The following CEMIP variants were observed in gnomAD, a reference collection of about 807,000 sequenced individuals.
The protein encoded by CEMIP is cell migration-inducing and hyaluronan-binding protein.
CEMIP carries 105 observed loss-of-function variants against 156.9 expected under a neutral mutation model. The ratio of observed to expected loss-of-function variants is 0.67; its 90% confidence interval spans 0.57 to 0.79. CEMIP has a LOEUF of 0.79. Ranked by LOEUF, CEMIP falls within the 30% of genes least tolerant of loss-of-function variation. CEMIP has a pLI of 0.00. For synonymous variants in CEMIP, 676 were observed against 668.4 expected, an observed-to-expected ratio of 1.01 and a Z score of -0.17; for missense variants, 1,457 against 1,769.4, an observed-to-expected ratio of 0.82 and a Z score of 3.17.
Position 80,936,654 on chromosome 15 carries a change from T to C in CEMIP, c.3010-20T>C, listed in dbSNP as rs2141960247. 1 of 1,601,262 alleles carries C rather than the reference T, an allele frequency of 6.2e-7. No individual in the cohort carries two copies. The highest frequency in any genetic ancestry group is 2.2e-5 in the East Asian group (1 of 44,814). ...CTTCGTAATAGCCTCATTGTGTGTT[T>C]CCTTTTTGGGTTTTAAAAGATGTAC... On this transcript the variant is annotated intron_variant, in intron 23 of 29. Transcript: ENST00000394685.
chr15:80,811,601 C>G (rs1896672224), intron 1 of CEMIP, among the ~76,000 whole-genome samples: 1 of 152,244 alleles, frequency 6.6e-6, no homozygotes, highest in African/African-American at 2.4e-5. Context: ...CTTACCCAGG[C>G]TGAAGTGCAG....
intron 1 of CEMIP, among the ~76,000 whole-genome samples, chr15:80,797,337 T>C (rs1030682063): frequency 2.6e-5 from 4 of 152,170 alleles, no homozygotes; most frequent in Admixed American, 2.0e-4. Flanking sequence ...ACCTACAGTG[T>C]CCCGGTGCTT....
intron 1 of CEMIP, among the ~76,000 whole-genome samples, chr15:80,840,162 C>T (rs1042178181): frequency 6.6e-6 from 1 of 152,118 alleles, no homozygotes; most frequent in Admixed American, 6.5e-5. Context: ...GAGGGTGGCC[C>T]CAGAAGACCC....
intron 3 of CEMIP, among the ~76,000 whole-genome samples, chr15:80,875,587 T>C (rs1276601063): frequency 6.6e-6 from 1 of 152,140 alleles, no homozygotes; most frequent in Non-Finnish European, 1.5e-5. Context: ...ATCAGCTATG[T>C]GGAAAGGGGC....
rs201550497 is a variant in CEMIP, at chr15:80,906,704, G to A, written c.1453G>A (p.Val485Met). ...GCACATCGGGGAGGAGATAGACGGC[G>A]TGGACATGCGGGCGGAGGTTGGGCT... Reference protein sequence around the residue: ...YLHIGEEIDGVDMRAEVGLLS... With the variant: ...YLHIGEEIDGMDMRAEVGLLS... The change falls in exon 13 of 30, where the codon GTG becomes ATG. Residue 485 changes from valine (V) to methionine (M), a missense_variant. Val to Met is a conservative substitution (Grantham distance 21). Transcript: ENST00000394685. The surrounding 1 kb of genome is among the most constrained non-coding windows in gnomAD (Gnocchi z 4.3). The A allele has an allele frequency of 1.1e-5, 18 of 1,614,210 alleles. No individual in the cohort carries two copies. Among genetic ancestry groups the A allele is most frequent in the East Asian group, 2.2e-5 (1 of 44,884 alleles).
At chr15:80,862,249 G>A (rs1326532596) in intron 1 of CEMIP, among the ~76,000 whole-genome samples, 2 of 152,190 alleles carry the variant, frequency 1.3e-5, no homozygotes, top group Non-Finnish European at 2.9e-5. Context: ...GGGTTGGGCT[G>A]GTGGAATTTA....
intron 3 of CEMIP, among the ~76,000 whole-genome samples, chr15:80,875,310 C>T (rs1238617464): frequency 1.3e-5 from 2 of 152,156 alleles, no homozygotes; most frequent in Non-Finnish European, 2.9e-5. Context: ...GCTGGGATTA[C>T]AGGTGTGAGC....
chr15:80,878,588 AG>A (rs1369330539), intron 3 of CEMIP, 132 bp from the exon 4 acceptor site: 1 of 1,148,912 alleles, frequency 8.7e-7, no homozygotes, highest in Non-Finnish European at 1.3e-6. Flanking sequence ...CAGCTCTCTA[AG>A]GTCTTGCTTT....
chr15:80,881,519 G>T (rs1286530032), intron 6 of CEMIP, among the ~76,000 whole-genome samples: 1 of 152,186 alleles, frequency 6.6e-6, no homozygotes, highest in Non-Finnish European at 1.5e-5. Flanking sequence ...GGGAAAGAGT[G>T]TTCAAGACAG....
At chr15:80,783,182 G>A (rs1895841774) in intron 1 of CEMIP, among the ~76,000 whole-genome samples, 1 of 152,148 alleles carries the variant, frequency 6.6e-6, no homozygotes, top group Admixed American at 6.5e-5. Context: ...TACCTTCTGT[G>A]GTATCGGCAA....
At chr15:80,862,431 G>A (rs558861926) in intron 1 of CEMIP, among the ~76,000 whole-genome samples, 54 of 152,306 alleles carry the variant, frequency 3.5e-4, no homozygotes, top group Non-Finnish European at 7.4e-4. Flanking sequence ...AGGGACAGTC[G>A]GGAGAGGTTT....
intron 1 of CEMIP, among the ~76,000 whole-genome samples, chr15:80,814,043 C>CTTTTTTTTTTTT (rs778309859): frequency 1.4e-5 from 1 of 73,744 alleles, no homozygotes; most frequent in Non-Finnish European, 2.3e-5. Context: ...AACTCTTTGG[C>CTTTTTTTTTTTT]TTTTTTTTTT....
At chr15:80,782,942 T>C (rs1332702656) in intron 1 of CEMIP, among the ~76,000 whole-genome samples, 1 of 152,172 alleles carries the variant, frequency 6.6e-6, no homozygotes, top group East Asian at 1.9e-4. Context: ...CAGGACACTC[T>C]TGGAGTGAAG....
In CEMIP at chr15:80,937,817, T is replaced by C. The variant is rs766813935; in HGVS notation, c.3245T>C (p.Leu1082Pro). The stretch of plus-strand genomic sequence containing the variant: ...AGGGGCGACTGGATCCGAGTGGGGC[T>C]CTGCTACCCGCGAGGCACCACATTC... The part of the protein sequence containing the change: ...FNKGDWIRVG[L>P]CYPRGTTFSI... Residue 1082 changes from leucine (L) to proline (P), a missense_variant, in exon 25 of 30, where the codon CTC (leucine) becomes CCC (proline). Transcript: ENST00000394685. The C allele has an allele frequency of 1.2e-6, 2 of 1,614,240 alleles. No individual in the cohort carries two copies. The highest frequency in any genetic ancestry group is 1.7e-6 in the Non-Finnish European group (2 of 1,180,044).
At chr15:80,827,474 C>T (rs377385214) in intron 1 of CEMIP, among the ~76,000 whole-genome samples, 15 of 152,052 alleles carry the variant, frequency 9.9e-5, no homozygotes, top group African/African-American at 3.6e-4. Context: ...CAAAAATTAG[C>T]TGGGCATGGT....
At chr15:80,847,670 A>C (rs1897597204) in intron 1 of CEMIP, among the ~76,000 whole-genome samples, 1 of 152,248 alleles carries the variant, frequency 6.6e-6, no homozygotes, top group Non-Finnish European at 1.5e-5. Flanking sequence ...GGTGGTGGCC[A>C]GCAAGGCTAC....
At chr15:80,871,571 A>T (rs1376879597) in intron 1 of CEMIP, among the ~76,000 whole-genome samples, 1 of 152,140 alleles carries the variant, frequency 6.6e-6, no homozygotes, top group Non-Finnish European at 1.5e-5. Context: ...TTAGGGCAGG[A>T]GGGATGCCCC....
In CEMIP at chr15:80,873,608, C is replaced by CT. The variant is rs1331018066; in HGVS notation, c.-104dup. The CT allele has an allele frequency of 4.2e-6, 2 of 475,908 alleles. No individual in the cohort carries two copies. The highest frequency in any genetic ancestry group is 3.9e-5 in the African/African-American group (2 of 51,088). The allele number at this position is 475,908 out of a possible 1,614,324, so 29.5% of individuals were successfully genotyped here. ...TGAAATTCCACCCATCACTCGGTCT[C>CT]TGAGCTGCAGGACACAGGCAGGACA... On this transcript the variant is annotated 5_prime_UTR_variant, in exon 2 of 30. It removes the in-frame stop codon of an upstream open reading frame in the 5' UTR. Coordinates refer to ENST00000394685, the MANE Select transcript of CEMIP (RefSeq NM_001293298.2).
intron 21 of CEMIP, among the ~76,000 whole-genome samples, chr15:80,929,839 G>A (rs1330407761): frequency 6.6e-6 from 1 of 152,250 alleles, no homozygotes; most frequent in African/African-American, 2.4e-5. Context: ...GGCTGGGGGA[G>A]TTCAAATGAA....
Sources: gnomAD v4.1 joint callset for allele counts (sites outside exome capture counted in the v4.1 genomes callset) on GRCh38, gnomAD v4.1.1 for gene constraint, Gnocchi (gnomAD v3.1) non-coding constraint, MANE v1.5 for transcripts, NCBI Gene and HGNC (gene_info 2026-07-23, HGNC 2026-07-21) for gene names.